AP2B1: variants seen among roughly 807,000 people sequenced by gnomAD.
AP2B1 encodes the protein AP-2 complex subunit beta.
A neutral mutation model predicts 102.0 loss-of-function variants in AP2B1; 23 were observed. The observed-to-expected ratio is 0.23, with a 90% CI of 0.16 to 0.32. The LOEUF (loss-of-function observed/expected upper bound fraction) is 0.32. Among genes scored for constraint, AP2B1 ranks in the 10% least tolerant of loss-of-function variants. AP2B1 has a pLI of 1.00. For synonymous variants in AP2B1, 381 were observed against 421.2 expected (o/e 0.90, Z 1.17); for missense variants, 541 against 1,157.4 (o/e 0.47, Z 7.73).
At chr17:35,619,087 C>T (rs1043472218) in intron 5 of AP2B1, among the ~76,000 whole-genome samples, 6 of 152,152 alleles carry the variant, frequency 3.9e-5, no homozygotes, top group African/African-American at 9.7e-5. Context: ...AGTACTCAGA[C>T]ACTGGAATCA....
chr17:35,663,534 A>G (rs1468349217), intron 14 of AP2B1, among the ~76,000 whole-genome samples: 1 of 152,212 alleles, frequency 6.6e-6, no homozygotes, highest in African/African-American at 2.4e-5. Context: ...ATCTTGCAGA[A>G]TAGAATACAG....
intron 18 of AP2B1, among the ~76,000 whole-genome samples, chr17:35,708,365 G>A (rs2076384897): frequency 6.6e-6 from 1 of 152,034 alleles, no homozygotes; most frequent in Non-Finnish European, 1.5e-5. Context: ...ATGATGTGCT[G>A]CTGTGCAATC....
At chr17:35,641,191 C>T (rs2074770254) in intron 11 of AP2B1, among the ~76,000 whole-genome samples, 1 of 152,142 alleles carries the variant, frequency 6.6e-6, no homozygotes, top group South Asian at 2.1e-4. Context: ...TCCATAATTC[C>T]CCCCAAATTG....
intron 9 of AP2B1, among the ~76,000 whole-genome samples, chr17:35,633,295 G>A (rs1219738548): frequency 1.3e-5 from 2 of 151,588 alleles, no homozygotes; most frequent in Non-Finnish European, 2.9e-5. Context: ...GGGAGTGGGA[G>A]GTTGCAATGA....
chr17:35,614,889 A>C (rs2073970680), intron 5 of AP2B1, among the ~76,000 whole-genome samples: 1 of 151,496 alleles, frequency 6.6e-6, no homozygotes, highest in South Asian at 2.1e-4. Flanking sequence ...CAGCACGTAG[A>C]CACAGCATGG....
rs72828096 is a variant in AP2B1 at position 35,686,655 on chromosome 17, C to A, written c.2454+3831C>A. On this transcript the variant is annotated intron_variant, in intron 18 of 21. Coordinates refer to ENST00000610402, the MANE Select transcript of AP2B1 (RefSeq NM_001030006.2). ...ATAAAAGCACAGTTTAAAGAGCCAACTAATTCTACAATTATTTAAGAAAAA... is the reference window on the plus strand; with the variant it reads ...ATAAAAGCACAGTTTAAAGAGCCAAATAATTCTACAATTATTTAAGAAAAA... 7.0e-3 allele frequency among the ~76,000 whole-genome samples: 1,071 copies of A among 152,250 alleles called. 10 individuals are homozygous for A. Among genetic ancestry groups the A allele is most frequent in the Admixed American group, 8.7e-3 (133 of 15,298 alleles).
At chr17:35,601,775 ACT>A (rs1202828007) in intron 3 of AP2B1, among the ~76,000 whole-genome samples, 4 of 147,786 alleles carry the variant, frequency 2.7e-5, no homozygotes, top group Non-Finnish European at 4.5e-5. Context: ...AATTGTCATA[ACT>A]CTTTTTTTTT....
At chr17:35,624,731 T>A (rs74437884) in intron 6 of AP2B1, 144 bp downstream of exon 6, 49,349 of 675,544 alleles carry the variant, frequency 0.073, 2,200 homozygotes, top group Middle Eastern at 0.14. Context: ...CTCTCTGGAT[T>A]TAGGAATATT....
intron 18 of AP2B1, among the ~76,000 whole-genome samples, chr17:35,705,219 G>A (rs767769842): frequency 2.6e-5 from 4 of 152,126 alleles, no homozygotes; most frequent in African/African-American, 4.8e-5. Context: ...GTGAAAATAT[G>A]AGAGCTGCAA....
intron 18 of AP2B1, among the ~76,000 whole-genome samples, chr17:35,705,320 T>A (rs1466306709): frequency 6.6e-6 from 1 of 152,136 alleles, no homozygotes; most frequent in Non-Finnish European, 1.5e-5. Context: ...AGATGACAAT[T>A]TACCAAGGCA....
chr17:35,617,256 A>G (rs1420719200), intron 5 of AP2B1, among the ~76,000 whole-genome samples: 1 of 152,134 alleles, frequency 6.6e-6, no homozygotes, highest in African/African-American at 2.4e-5. Flanking sequence ...GGGTTTCACC[A>G]TGTTGGCCAT....
At chr17:35,591,528 A>C (rs536170571) in intron 1 of AP2B1, among the ~76,000 whole-genome samples, 1 of 152,158 alleles carries the variant, frequency 6.6e-6, no homozygotes, top group Non-Finnish European at 1.5e-5. Context: ...TTGGGTGACA[A>C]ATTCTAAGGA....
At chr17:35,597,087 C>T in intron 2 of AP2B1, 1 of 543,048 alleles carries the variant, frequency 1.8e-6, no homozygotes, top group South Asian at 1.7e-5. Flanking sequence ...CGCCCCCGCT[C>T]CGGGGCCACT....
chr17:35,632,137 T>C lies in AP2B1; in HGVS notation c.1156-4204T>C, dbSNP rs72828070. The stretch of plus-strand genomic sequence containing the variant: ...GCAATGATTTTGTTTTATTTGTTTT[T>C]TGGGGGGTGGTGGGGAAATGGAGTC... On this transcript the variant is annotated intron_variant, in intron 9 of 21. Coordinates refer to ENST00000610402, the MANE Select transcript of AP2B1 (RefSeq NM_001030006.2). Among the ~76,000 whole-genome samples the C allele has an allele frequency of 9.5e-3, 1,439 of 152,064 alleles. 19 individuals are homozygous for C. The highest frequency in any genetic ancestry group is 0.051 in the Middle Eastern group (15 of 294).
intron 14 of AP2B1, chr17:35,660,169 T>A (rs1329073613): frequency 6.4e-6 from 5 of 782,282 alleles, no homozygotes; most frequent in Non-Finnish European, 7.8e-6. Context: ...TTTGTGGAAA[T>A]GGGTTCTCAC....
intron 12 of AP2B1, among the ~76,000 whole-genome samples, chr17:35,644,438 C>T (rs959997563): frequency 6.6e-6 from 1 of 152,000 alleles, no homozygotes; most frequent in Non-Finnish European, 1.5e-5. Context: ...AGTGCAGTGG[C>T]GTGATCTCGG....
chr17:35,672,932 A>G (rs1247909611), intron 16 of AP2B1, among the ~76,000 whole-genome samples: 1 of 152,164 alleles, frequency 6.6e-6, no homozygotes, highest in Non-Finnish European at 1.5e-5. Flanking sequence ...CCATAGCTGT[A>G]TATTTGTATC....
intron 18 of AP2B1, among the ~76,000 whole-genome samples, chr17:35,702,656 G>A (rs930837757): frequency 2.7e-4 from 41 of 152,302 alleles, no homozygotes; most frequent in African/African-American, 8.9e-4. Flanking sequence ...GCTAGGTGCT[G>A]TGAAGGGAAT....
At chr17:35,670,995 A>C (rs2075575880) in intron 15 of AP2B1, 97 bp downstream of exon 15, 1 of 1,276,060 alleles carries the variant, frequency 7.8e-7, no homozygotes, top group Non-Finnish European at 1.1e-6. Flanking sequence ...GCTGCTGTCT[A>C]GCACTGCACA....
Sources: allele counts gnomAD v4.1 joint callset (sites outside exome capture counted in the v4.1 genomes callset), GRCh38; gene constraint gnomAD v4.1.1; transcripts MANE v1.5; gene names NCBI Gene and HGNC (gene_info 2026-07-23, HGNC 2026-07-21).